CALN1: variants seen among roughly 807,000 people sequenced by gnomAD.
The protein encoded by CALN1 is calcium-binding protein 8.
CALN1 carries 17 observed loss-of-function variants against 30.6 expected under a neutral mutation model. The ratio of observed to expected loss-of-function variants is 0.56; its 90% CI spans 0.38 to 0.83. The LOEUF is 0.83. Among genes scored for constraint, CALN1 ranks in the 40% least tolerant of loss-of-function variants. The probability of loss-of-function intolerance (pLI) is 0.00; values close to 1 mark genes in which losing one functional copy is unlikely to be tolerated. For missense variants in CALN1, 291 were observed against 354.9 expected (o/e 0.82, Z 1.45); for synonymous variants, 156 against 131.4 (o/e 1.19, Z -1.28).
intron 1 of CALN1, among the ~76,000 whole-genome samples, chr7:72,430,808 C>T (rs1807949093): frequency 6.6e-6 from 1 of 152,086 alleles, no homozygotes; most frequent in South Asian, 2.1e-4. Context: ...AGTGCCACCT[C>T]CGGCTCTACC....
intron 5 of CALN1, among the ~76,000 whole-genome samples, chr7:71,825,108 C>T (rs1261384704): frequency 6.6e-6 from 1 of 152,108 alleles, no homozygotes; most frequent in Non-Finnish European, 1.5e-5. Flanking sequence ...ATAAGCAGAC[C>T]CCCTTCCTAA....
At chr7:72,370,657 A>C (rs1362041039) in intron 2 of CALN1, among the ~76,000 whole-genome samples, 2 of 72,596 alleles carry the variant, frequency 2.8e-5, no homozygotes, top group South Asian at 5.9e-4. Flanking sequence ...ACTCCGTCTC[A>C]AAAAAAAAAA....
intron 2 of CALN1, among the ~76,000 whole-genome samples, chr7:72,323,974 G>A (rs1375106783): frequency 1.3e-5 from 2 of 152,104 alleles, no homozygotes; most frequent in Non-Finnish European, 2.9e-5. Context: ...AGCCCAGGAG[G>A]TTGAGGCTGT....
intron 2 of CALN1, among the ~76,000 whole-genome samples, chr7:72,299,212 T>G (rs10277561): frequency 0.27 from 41,460 of 151,982 alleles, 6,636 homozygotes; most frequent in Non-Finnish European, 0.36. Flanking sequence ...CTTTTATTCT[T>G]ATACTCCAAA....
intron 1 of CALN1, among the ~76,000 whole-genome samples, chr7:72,420,773 C>T (rs1457690958): frequency 6.6e-6 from 1 of 151,946 alleles, no homozygotes; most frequent in African/African-American, 2.4e-5. Flanking sequence ...GAGCCCGCCA[C>T]TACGCCCGGC....
At chr7:71,862,277 C>A (rs545503277) in intron 5 of CALN1, among the ~76,000 whole-genome samples, 2 of 152,176 alleles carry the variant, frequency 1.3e-5, no homozygotes, top group South Asian at 2.1e-4. Context: ...AATGCTGATA[C>A]GATTTGGCTG....
intron 6 of CALN1, among the ~76,000 whole-genome samples, chr7:71,798,229 C>A (rs181835014): frequency 1.3e-5 from 2 of 151,572 alleles, no homozygotes; most frequent in African/African-American, 4.8e-5. Flanking sequence ...CACTTGACTT[C>A]CCCCATTATT....
chr7:72,097,364 A>T (rs1322871439), intron 4 of CALN1, among the ~76,000 whole-genome samples: 1 of 152,212 alleles, frequency 6.6e-6, no homozygotes, highest in Non-Finnish European at 1.5e-5. Context: ...GGTCTTGAGG[A>T]TATCAAGCCT....
At chr7:72,379,629 G>A (rs180809177) in intron 2 of CALN1, among the ~76,000 whole-genome samples, 75 of 152,312 alleles carry the variant, frequency 4.9e-4, no homozygotes, top group Admixed American at 3.7e-3. Context: ...GAAAACTCTT[G>A]CAAACACGTT....
chr7:72,410,757 G>C, intron 1 of CALN1, among the ~76,000 whole-genome samples: 1 of 152,100 alleles, frequency 6.6e-6, no homozygotes, highest in African/African-American at 2.4e-5. Flanking sequence ...TATATTTCCT[G>C]AACATAAATA....
the CALN1 span, among the ~76,000 whole-genome samples, chr7:72,489,008 G>C: frequency 1.3e-5 from 2 of 152,168 alleles, no homozygotes; most frequent in African/African-American, 4.8e-5. Context: ...AGACAGTCAA[G>C]ATAGATATGG....
chr7:72,205,936 G>A (rs1007641940), intron 3 of CALN1, among the ~76,000 whole-genome samples: 8 of 151,982 alleles, frequency 5.3e-5, no homozygotes, highest in South Asian at 2.1e-4. Flanking sequence ...TCCTTTTCTC[G>A]CTGATTTTGG....
At chr7:72,240,721 G>C (rs1794773185) in intron 3 of CALN1, among the ~76,000 whole-genome samples, 1 of 152,148 alleles carries the variant, frequency 6.6e-6, no homozygotes, top group Non-Finnish European at 1.5e-5. Context: ...TAGTCAGCTG[G>C]CAAAGAAATC....
chr7:72,226,159 C>T (rs946898562), intron 3 of CALN1, among the ~76,000 whole-genome samples: 3 of 150,678 alleles, frequency 2.0e-5, no homozygotes, highest in East Asian at 3.9e-4. Flanking sequence ...GCAGGAGAAT[C>T]GCTTGAATCC....
At chr7:71,868,006 C>T (rs960156035) in intron 5 of CALN1, among the ~76,000 whole-genome samples, 4 of 152,086 alleles carry the variant, frequency 2.6e-5, no homozygotes, top group Admixed American at 6.6e-5. Context: ...TTTTAATGTA[C>T]GGTCTTTTCA....
chr7:71,827,775 A>AAAATAAATAAAT (rs10646245), intron 5 of CALN1, among the ~76,000 whole-genome samples: 4,625 of 140,274 alleles, frequency 0.033, 172 homozygotes, highest in African/African-American at 0.083. Flanking sequence ...CCATCTTAAA[A>AAAATAAATAAAT]AAATAAATAA....
In CALN1 at chr7:71,952,315, A is replaced by G. The variant is rs553091931; in HGVS notation, c.501+71342T>C. Among the ~76,000 whole-genome samples the G allele has an allele frequency of 2.0e-5, 3 of 152,290 alleles. No individual in the cohort carries two copies. The East Asian group carries it at 5.8e-4, about 29-fold the overall frequency. ...CCTCAACAGCGGCTCAGTGGCTCCCAGTCATTTCTGCCTTTCCCAAGTGCA... is the reference window on the plus strand; with the variant it reads ...CCTCAACAGCGGCTCAGTGGCTCCCGGTCATTTCTGCCTTTCCCAAGTGCA... On this transcript the variant is annotated intron_variant, in intron 5 of 6. Transcript: ENST00000395275.
In CALN1 at chr7:72,356,453, T is replaced by G. The variant is rs78008991; in HGVS notation, c.119+46798A>C. 1.2e-3 allele frequency among the ~76,000 whole-genome samples: 175 copies of G among 152,036 alleles called. 1 individual carries two copies. The East Asian group carries it at 0.031, about 27-fold the overall frequency. On this transcript the variant is annotated intron_variant, in intron 2 of 6. Coordinates refer to ENST00000395275, the MANE Select transcript of CALN1 (RefSeq NM_031468.4). ...TTGCAACTTTAGATACAACTTGTAT[T>G]AAAGTGATAAATGTACTAATTTAGG...
intron 1 of CALN1, among the ~76,000 whole-genome samples, chr7:72,411,352 G>T (rs1807131763): frequency 6.6e-6 from 1 of 151,784 alleles, no homozygotes; most frequent in Non-Finnish European, 1.5e-5. Context: ...GAACCACAAA[G>T]AAATCATACA....
Sources: gnomAD v4.1 joint callset for allele counts (sites outside exome capture counted in the v4.1 genomes callset) on GRCh38, gnomAD v4.1.1 for gene constraint, MANE v1.5 for transcripts, NCBI Gene and HGNC (gene_info 2026-07-23, HGNC 2026-07-21) for gene names.